Variants in FAM13C observed in about 807,000 individuals in gnomAD.
The protein encoded by FAM13C is protein FAM13C.
A neutral mutation model predicts 73.2 loss-of-function variants in FAM13C; 37 were observed. The ratio of observed to expected loss-of-function variants is 0.51; its 90% CI spans 0.39 to 0.67. FAM13C has a LOEUF of 0.67. Ranked by LOEUF, FAM13C falls within the 30% of genes least tolerant of loss-of-function variation. The pLI, the probability that FAM13C is intolerant of heterozygous loss-of-function variation, is 0.00. For synonymous variants in FAM13C, 246 were observed against 260.9 expected (o/e 0.94, Z 0.55); for missense variants, 589 against 715.6 (o/e 0.82, Z 2.02).
chr10:59,252,098 G>A (rs1841438162), intron 12 of FAM13C, among the ~76,000 whole-genome samples: 1 of 152,064 alleles, frequency 6.6e-6, no homozygotes, highest in African/African-American at 2.4e-5. Context: ...TGGGAATATT[G>A]GGAGAATAGC....
At chr10:59,321,752 G>A (rs532685029) in intron 4 of FAM13C, among the ~76,000 whole-genome samples, 2 of 152,042 alleles carry the variant, frequency 1.3e-5, no homozygotes, top group South Asian at 4.2e-4. Flanking sequence ...ACCTCAATCC[G>A]CTCCAAAATC....
intron 10 of FAM13C, among the ~76,000 whole-genome samples, chr10:59,255,433 GTC>G (rs1841859699): frequency 6.6e-6 from 1 of 151,408 alleles, no homozygotes; most frequent in African/African-American, 2.5e-5. Flanking sequence ...CTATTTGTCT[GTC>G]TATGTATCTG....
chr10:59,272,473 T>C (rs1321802451), intron 6 of FAM13C, among the ~76,000 whole-genome samples: 2 of 151,512 alleles, frequency 1.3e-5, no homozygotes, highest in Admixed American at 6.6e-5. Context: ...GCTGCTGTCC[T>C]GGGAAGAGTC....
Position 59,264,065 on chromosome 10 carries a change from G to T in FAM13C, c.1024+20C>A, listed in dbSNP as rs1589380288. 1.2e-6 allele frequency: 2 copies of T among 1,609,038 alleles called. No individual in the cohort carries two copies. Among genetic ancestry groups the T allele is most frequent in the Admixed American group, 1.7e-5 (1 of 59,958 alleles). The stretch of plus-strand genomic sequence containing the variant: ...AACTGCTTCCTTTGTGAGGAAAAAA[G>T]ATCTTTGGCTGGGATTTACCTTTGA... On this transcript the variant is annotated intron_variant, in intron 9 of 13. Transcript: ENST00000618804.
In FAM13C at chr10:59,268,551, A is replaced by C; in HGVS notation, c.942+2T>G. 1.2e-6 allele frequency: 2 copies of C among 1,613,002 alleles called. No individual in the cohort carries two copies. Among genetic ancestry groups the C allele is most frequent in the Non-Finnish European group, 1.7e-6 (2 of 1,179,338 alleles). On this transcript the variant is annotated splice_donor_variant, in intron 8 of 13. Transcript: ENST00000618804. LOFTEE classifies it high-confidence loss of function. Reference sequence around the variant, plus strand: ...TCCTATGTCAAACCCCAGGGTTCTTACCCGGTATTTCTTTTCTTGTTCAAA... The same window carrying C: ...TCCTATGTCAAACCCCAGGGTTCTTCCCCGGTATTTCTTTTCTTGTTCAAA...
At chr10:59,252,144 A>C (rs1841441962) in intron 12 of FAM13C, among the ~76,000 whole-genome samples, 1 of 152,154 alleles carries the variant, frequency 6.6e-6, no homozygotes, top group Admixed American at 6.5e-5. Flanking sequence ...CCCAGAAGAA[A>C]GCGATAGTTA....
At chr10:59,350,877 T>C (rs567990513) in intron 3 of FAM13C, among the ~76,000 whole-genome samples, 1 of 152,318 alleles carries the variant, frequency 6.6e-6, no homozygotes, top group African/African-American at 2.4e-5. Context: ...GCCTCCCACA[T>C]TATTTTTAAA....
chr10:59,304,182 C>T lies in FAM13C; in HGVS notation c.444-1318G>A, dbSNP rs572481075. Among the ~76,000 whole-genome samples, 4 of 152,204 alleles carry T rather than the reference C, an allele frequency of 2.6e-5. No homozygotes were observed. The South Asian group carries it at 8.3e-4, about 32-fold the overall frequency. On this transcript the variant is annotated intron_variant, in intron 4 of 13. Coordinates refer to ENST00000618804, the MANE Select transcript of FAM13C (RefSeq NM_198215.4). ...GAAAAGTGTCTGTTCATGTCCTTTG[C>T]CTACTTCTTTTATGAGGTTGCTTGG...
chr10:59,291,858 G>A (rs539986060), intron 5 of FAM13C, among the ~76,000 whole-genome samples: 5 of 140,164 alleles, frequency 3.6e-5, no homozygotes, highest in East Asian at 4.3e-4. Flanking sequence ...GTGTGATCTC[G>A]GCTCACTGCA....
intron 5 of FAM13C, among the ~76,000 whole-genome samples, chr10:59,296,307 T>G (rs148256175): frequency 2.0e-5 from 3 of 152,168 alleles, no homozygotes; most frequent in Non-Finnish European, 4.4e-5. Context: ...CATAGACACA[T>G]GCATACCGAC....
Position 59,252,954 on chromosome 10 carries a change from T to C in FAM13C, c.1377A>G (p.Gln459=). The C allele has an allele frequency of 1.2e-6, 2 of 1,614,034 alleles. No individual in the cohort carries two copies. The highest frequency in any genetic ancestry group is 1.7e-6 in the Non-Finnish European group (2 of 1,179,984). The change falls in exon 12 of 14, where the codon CAA becomes CAG. Residue 459 remains glutamine (Q), a synonymous_variant. Transcript: ENST00000618804. Reference sequence around the variant, plus strand: ...ATGCTGGATCTGCCAAAGAAGGTTGTTGGCTTCCCTGTGGACGGTCTTCAT... The same window carrying C: ...ATGCTGGATCTGCCAAAGAAGGTTGCTGGCTTCCCTGTGGACGGTCTTCAT... ...DSDEDRPQGS[Q]QPSLADPASH...
chr10:59,246,380 GA>G lies in FAM13C; in HGVS notation c.*1233del. 3.4e-6 allele frequency: 1 copy of G among 296,242 alleles called. No homozygotes were observed. Among genetic ancestry groups the G allele is most frequent in the East Asian group, 5.3e-5 (1 of 18,808 alleles). 18.4% of individuals were successfully genotyped at this position (296,242 alleles called of 1,614,324 possible). ...TTATAAAATATTAGGTAAATACAGAGAAAACAATAAGCCTCTGAAATAAGTC... is the reference window on the plus strand; with the variant it reads ...TTATAAAATATTAGGTAAATACAGAGAAACAATAAGCCTCTGAAATAAGTC... On this transcript the variant is annotated 3_prime_UTR_variant, in exon 14 of 14. Coordinates refer to ENST00000618804, the MANE Select transcript of FAM13C (RefSeq NM_198215.4).
At chr10:59,362,300 T>C in intron 1 of FAM13C, 99 bp downstream of exon 1, 1 of 1,513,590 alleles carries the variant, frequency 6.6e-7, no homozygotes, top group Non-Finnish European at 8.9e-7. Context: ...ACAATGCATC[T>C]AAAACGAACA....
chr10:59,352,324 C>A lies in FAM13C; in HGVS notation c.270G>T (p.Arg90Ser). Residue 90 changes from arginine (R) to serine (S), a missense_variant, in exon 3 of 14, where the codon AGG becomes AGT. Transcript: ENST00000618804. Reference protein sequence around the residue: ...LRPSMGNFKSRKPKSIFKAES... With the variant: ...LRPSMGNFKSSKPKSIFKAES... ...CCGCTTTGAAGATGGACTTGGGCTT[C>A]CTGGACTTGAAGTTGCCCATGCTGG... is the stretch of plus-strand genomic sequence containing the variant. 6.2e-7 allele frequency: 1 copy of A among 1,614,186 alleles called. No individual in the cohort carries two copies. Among genetic ancestry groups the A allele is most frequent in the Non-Finnish European group, 8.5e-7 (1 of 1,180,032 alleles).
intron 4 of FAM13C, among the ~76,000 whole-genome samples, chr10:59,304,940 C>G (rs1455196523): frequency 6.6e-6 from 1 of 152,032 alleles, no homozygotes; most frequent in Non-Finnish European, 1.5e-5. Context: ...CTTGCTTCCT[C>G]TCTCACCATG....
At chr10:59,314,714 A>G (rs1337892085) in intron 4 of FAM13C, among the ~76,000 whole-genome samples, 1 of 152,042 alleles carries the variant, frequency 6.6e-6, no homozygotes, top group African/African-American at 2.4e-5. Flanking sequence ...ATGGGTCTTG[A>G]TATTTCCCTT....
chr10:59,363,077 T>C (rs1397587657), upstream of FAM13C: 1 of 157,920 alleles, frequency 6.3e-6, no homozygotes, highest in African/African-American at 2.4e-5. Flanking sequence ...GGAAAAAGAA[T>C]AGGCTCTAAA....
chr10:59,312,438 C>T (rs890409281), intron 4 of FAM13C, among the ~76,000 whole-genome samples: 1 of 152,156 alleles, frequency 6.6e-6, no homozygotes, highest in Non-Finnish European at 1.5e-5. Context: ...GCACCTCCCA[C>T]AGGGATGATA....
intron 4 of FAM13C, among the ~76,000 whole-genome samples, chr10:59,303,456 A>C (rs1304286662): frequency 6.6e-6 from 1 of 152,230 alleles, no homozygotes; most frequent in Non-Finnish European, 1.5e-5. Context: ...CACCTATTAA[A>C]AATTCAATAA....
Sources: allele counts gnomAD v4.1 joint callset (sites outside exome capture counted in the v4.1 genomes callset), GRCh38; gene constraint gnomAD v4.1.1; transcripts MANE v1.5; gene names NCBI Gene and HGNC (gene_info 2026-07-23, HGNC 2026-07-21).